Variants in RNF138 observed in about 807,000 individuals in gnomAD.
RNF138 encodes ring finger protein 138, also known as E3 ubiquitin-protein ligase RNF138.
Under a neutral mutation model 31.0 loss-of-function variants are expected in RNF138, and 12 were observed. The ratio of observed to expected loss-of-function variants is 0.39; its 90% confidence interval spans 0.25 to 0.63. RNF138 has a LOEUF of 0.63. RNF138 is among the 20% of genes least tolerant of loss of function. The pLI is 0.52. For synonymous variants in RNF138, 105 were observed against 99.5 expected, an observed-to-expected ratio of 1.06 and a Z score of -0.33; for missense variants, 192 against 300.1, an observed-to-expected ratio of 0.64 and a Z score of 2.66.
chr18:32,096,094 C>T (rs1328967641), intron 2 of RNF138, among the ~76,000 whole-genome samples: 2 of 152,132 alleles, frequency 1.3e-5, no homozygotes, highest in African/African-American at 4.8e-5. Context: ...TGGAGCTTAG[C>T]GTTATTGGCA....
chr18:32,102,899 G>A (rs560722340), intron 2 of RNF138, among the ~76,000 whole-genome samples: 44 of 152,212 alleles, frequency 2.9e-4, no homozygotes, highest in African/African-American at 8.4e-4. Flanking sequence ...ACAAAGTGTA[G>A]GGATTACAGG....
At chr18:32,097,977 T>TGTGTGTGTG (rs763759065) in intron 2 of RNF138, among the ~76,000 whole-genome samples, 3,106 of 49,728 alleles carry the variant, frequency 0.062, 66 homozygotes, top group Non-Finnish European at 0.079. Flanking sequence ...TGTGTGTGTG[T>TGTGTGTGTG]TATTTTTGTT....
At chr18:32,092,617 C>G in intron 1 of RNF138, 83 bp from the exon 2 acceptor site, 1 of 617,470 alleles carries the variant, frequency 1.6e-6, no homozygotes, top group Non-Finnish European at 2.9e-6. Context: ...TGCGTTCGGC[C>G]CCGCCCTACC....
At chr18:32,127,481 G>A (rs1224058709) in intron 7 of RNF138, among the ~76,000 whole-genome samples, 1 of 152,120 alleles carries the variant, frequency 6.6e-6, no homozygotes, top group African/African-American at 2.4e-5. Context: ...TCCAGTTTAG[G>A]TAAGCAGAGT....
chr18:32,092,502 C>T, intron 1 of RNF138, 198 bp from the exon 2 acceptor site: 1 of 433,892 alleles, frequency 2.3e-6, no homozygotes, highest in Non-Finnish European at 4.2e-6. Context: ...CCACGGCATG[C>T]TGCGAGCCCA....
At position 32,094,965 on chromosome 18, in the gene RNF138, C is replaced by G. The variant is rs138418409; in HGVS notation, c.110+2079C>G. On this transcript the variant is annotated intron_variant, in intron 2 of 7. Transcript: ENST00000261593. ...TTTATAATTTGATTTGACCTCAAGA[C>G]TGTGGAAAATGTTGGAGATGATTGT... Among the ~76,000 whole-genome samples, 39 of 152,228 alleles carry G rather than the reference C, an allele frequency of 2.6e-4. No individual in the cohort carries two copies. In the East Asian group the frequency reaches 6.8e-3, roughly 26 times the overall value.
At chr18:32,113,426 C>T (rs2144246507) in intron 3 of RNF138, among the ~76,000 whole-genome samples, 1 of 152,206 alleles carries the variant, frequency 6.6e-6, no homozygotes, top group East Asian at 1.9e-4. Flanking sequence ...ATAAGACATG[C>T]CCAATAGCAT....
intron 2 of RNF138, among the ~76,000 whole-genome samples, chr18:32,102,579 G>A (rs528104142): frequency 2.6e-4 from 40 of 151,766 alleles, no homozygotes; most frequent in African/African-American, 9.7e-4. Flanking sequence ...TGAAGAGTTT[G>A]TATTGTACAG....
In RNF138 at chr18:32,129,834, A is replaced by C. The variant is rs571452494; in HGVS notation, c.*647A>C. 5.9e-5 allele frequency: 9 copies of C among 152,634 alleles called. No homozygotes were observed. In the East Asian group the frequency reaches 1.7e-3, roughly 29 times the overall value. 9.5% of individuals were successfully genotyped at this position (152,634 alleles called of 1,614,324 possible). A position where few individuals can be genotyped will look rare whatever the true frequency, so the allele number is the denominator to read the frequency against. ...TTTGTTATTAGAAGGAAATACAAAGAGAAAAATTTCTTTCTTTCATGGGCA... is the reference window on the plus strand; with the variant it reads ...TTTGTTATTAGAAGGAAATACAAAGCGAAAAATTTCTTTCTTTCATGGGCA... On this transcript the variant is annotated 3_prime_UTR_variant, in exon 8 of 8. Coordinates refer to ENST00000261593, the MANE Select transcript of RNF138 (RefSeq NM_016271.5).
chr18:32,126,242 G>T (rs186930148), intron 6 of RNF138, among the ~76,000 whole-genome samples: 252 of 152,182 alleles, frequency 1.7e-3, no homozygotes, highest in African/African-American at 5.6e-3. Context: ...TTTAAGAAAA[G>T]AAAAGAAAAA....
chr18:32,118,030 A>G (rs1200126202), intron 4 of RNF138, among the ~76,000 whole-genome samples: 2 of 152,160 alleles, frequency 1.3e-5, no homozygotes, highest in Non-Finnish European at 2.9e-5. Flanking sequence ...AACGTTAGTA[A>G]CTGGATGTCA....
At position 32,092,848 on chromosome 18, in the gene RNF138, G is replaced by C; in HGVS notation, c.72G>C (p.Val24=). Reference sequence around the variant, plus strand: ...TCTACTGCCCCGTCTGTCAGGAGGTGCTCAAAACGCCCGTGCGGACCACGG... The same window carrying C: ...TCTACTGCCCCGTCTGTCAGGAGGTCCTCAAAACGCCCGTGCGGACCACGG... ...DDFYCPVCQE[V]LKTPVRTTAC... is the part of the protein sequence containing the mutation. Residue 24 remains valine (V), a synonymous_variant, in exon 2 of 8, where the codon GTG becomes GTC. Transcript: ENST00000261593. The C allele has an allele frequency of 6.3e-7, 1 of 1,592,396 alleles. No homozygotes were observed. Among genetic ancestry groups the C allele is most frequent in the Non-Finnish European group, 8.5e-7 (1 of 1,172,332 alleles).
At chr18:32,120,539 A>T (rs1245011987) in intron 4 of RNF138, among the ~76,000 whole-genome samples, 1 of 152,222 alleles carries the variant, frequency 6.6e-6, no homozygotes, top group Non-Finnish European at 1.5e-5. Flanking sequence ...TGATAAAATC[A>T]TAAGTTTTTA....
chr18:32,117,543 C>T (rs1232273064), intron 4 of RNF138, among the ~76,000 whole-genome samples: 1 of 152,186 alleles, frequency 6.6e-6, no homozygotes, highest in East Asian at 1.9e-4. Context: ...GATCATTTCA[C>T]TAATTCATAC....
In RNF138 at chr18:32,117,763, AATT is replaced by A. The variant is rs570397448; in HGVS notation, c.392+3907_392+3909del. On this transcript the variant is annotated intron_variant, in intron 4 of 7. Coordinates refer to ENST00000261593, the MANE Select transcript of RNF138 (RefSeq NM_016271.5). ...TAAATATTGGAGGATGTTTTAGCAA[AATT>A]ATTGCATTGGTGTGGGGTAGTTTCT... Among the ~76,000 whole-genome samples, 14 of 152,280 alleles carry A rather than the reference AATT, an allele frequency of 9.2e-5. No individual in the cohort carries two copies. In the South Asian group the frequency reaches 2.9e-3, roughly 32 times the overall value.
chr18:32,109,294 C>T (rs1424832668), intron 2 of RNF138, among the ~76,000 whole-genome samples: 2 of 151,984 alleles, frequency 1.3e-5, no homozygotes, highest in African/African-American at 2.4e-5. Context: ...GCTGGGACTA[C>T]AGGCATGTGC....
At chr18:32,114,777 T>C (rs764524736) in intron 4 of RNF138, among the ~76,000 whole-genome samples, 1 of 152,204 alleles carries the variant, frequency 6.6e-6, no homozygotes, top group Non-Finnish European at 1.5e-5. Flanking sequence ...TAGTAGCCTT[T>C]CATTTTACAT....
At chr18:32,114,256 G>A (rs2040180232) in intron 4 of RNF138, among the ~76,000 whole-genome samples, 1 of 152,238 alleles carries the variant, frequency 6.6e-6, no homozygotes, top group Non-Finnish European at 1.5e-5. Flanking sequence ...TAGACTTAGA[G>A]TTTGAAATTT....
chr18:32,126,588 G>T (rs950108380), intron 6 of RNF138, 105 bp from the exon 7 acceptor site: 1 of 631,644 alleles, frequency 1.6e-6, no homozygotes, highest in Non-Finnish European at 2.7e-6. Flanking sequence ...TGCTTCTCAC[G>T]TAGATATTTT....
Sources: allele counts gnomAD v4.1 joint callset (sites outside exome capture counted in the v4.1 genomes callset), GRCh38; gene constraint gnomAD v4.1.1; transcripts MANE v1.5; gene names NCBI Gene and HGNC (gene_info 2026-07-23, HGNC 2026-07-21).